MET: variants seen among roughly 807,000 people sequenced by gnomAD.
MET encodes MET proto-oncogene, receptor tyrosine kinase, also known as hepatocyte growth factor receptor.
A neutral mutation model predicts 133.1 loss-of-function variants in MET; 48 were observed. That is an observed-to-expected ratio of 0.36 (90% CI 0.29 to 0.46). MET has a LOEUF of 0.46. MET is among the 20% of genes least tolerant of loss of function. The pLI is 1.00. For synonymous variants in MET, 628 were observed against 616.5 expected, an observed-to-expected ratio of 1.02 and a Z score of -0.28; for missense variants, 1,442 against 1,695.9, an observed-to-expected ratio of 0.85 and a Z score of 2.63.
chr7:116,679,082 C>T (rs1390691749), intron 1 of MET, among the ~76,000 whole-genome samples: 2 of 152,128 alleles, frequency 1.3e-5, no homozygotes, highest in African/African-American at 4.8e-5. Context: ...CAGTTGTAAT[C>T]CTTACTAACC....
intron 4 of MET, among the ~76,000 whole-genome samples, chr7:116,740,575 A>G (rs914344550): frequency 6.6e-6 from 1 of 152,194 alleles, no homozygotes; most frequent in Non-Finnish European, 1.5e-5. Context: ...ACAGGGCACA[A>G]TGTCCCTACT....
rs1231503107 is a variant in MET, at chr7:116,724,839, G to A, written c.1201-6829G>A. ...AGAGCCTAGGCTTAGTCCTAGCCCT[G>A]CACTGAAGGTAATGTGAACACTCAG... On this transcript the variant is annotated intron_variant, in intron 2 of 20. Coordinates refer to ENST00000397752, the MANE Select transcript of MET (RefSeq NM_000245.4). The A allele has an allele frequency of 2.3e-6, 3 of 1,289,098 alleles. No homozygotes were observed. The African/African-American group carries it at 4.5e-5, about 20-fold the overall frequency. 79.9% of individuals were successfully genotyped at this position (1,289,098 alleles called of 1,614,324 possible).
At chr7:116,701,407 T>C (rs576870616) in intron 2 of MET, among the ~76,000 whole-genome samples, 1 of 152,268 alleles carries the variant, frequency 6.6e-6, no homozygotes, top group Non-Finnish European at 1.5e-5. Flanking sequence ...TATAATTTGC[T>C]GAGGGGTAAA....
intron 5 of MET, among the ~76,000 whole-genome samples, chr7:116,754,983 G>GGAAAGAAAGAAAGAAAGAAAGA (rs1794105005): frequency 3.8e-5 from 3 of 78,632 alleles, no homozygotes; most frequent in Admixed American, 2.9e-4. Flanking sequence ...AGCAGAGAAA[G>GGAAAGAAAGAAAGAAAGAAAGA]GAAAGAAAGA....
rs1791501640 is a variant in MET at position 116,699,856 on chromosome 7, TTTA to T, written c.775_777del (p.Ile259del). 6.2e-7 allele frequency: 1 copy of T among 1,614,110 alleles called. No homozygotes were observed. ...TGTCCATGCCTTTGAAAGCAACAATTTTATTTACTTCTTGACGGTCCAAAGGGA... is the reference window on the plus strand; with the variant it reads ...TGTCCATGCCTTTGAAAGCAACAATTTTTACTTCTTGACGGTCCAAAGGGA... On this transcript the variant is annotated inframe_deletion, in exon 2 of 21. Coordinates refer to ENST00000397752, the MANE Select transcript of MET (RefSeq NM_000245.4).
intron 2 of MET, among the ~76,000 whole-genome samples, chr7:116,726,729 G>A (rs940028464): frequency 6.6e-6 from 1 of 152,162 alleles, no homozygotes; most frequent in Non-Finnish European, 1.5e-5. Flanking sequence ...AGGGAGAAAA[G>A]GATAAAAAGA....
rs2116833406 is a variant in MET, at chr7:116,740,838, C to A, written c.1528-14C>A. ...TACCCCTCTGGAAGCTCTTTCCACC[C>A]CTTCTCTTCACAGATCACGAAGATC... On this transcript the variant is annotated splice_polypyrimidine_tract_variant and intron_variant, in intron 4 of 20. Coordinates refer to ENST00000397752, the MANE Select transcript of MET (RefSeq NM_000245.4). 2 of 1,613,828 alleles carry A rather than the reference C, an allele frequency of 1.2e-6. No homozygotes were observed. Among genetic ancestry groups the A allele is most frequent in the South Asian group, 2.2e-5 (2 of 91,042 alleles).
intron 5 of MET, 101 bp downstream of exon 5, chr7:116,741,126 C>T (rs773249836): frequency 6.8e-5 from 90 of 1,331,176 alleles, no homozygotes; most frequent in Middle Eastern, 2.0e-4. Flanking sequence ...ATACAAATCC[C>T]ACTAATGAAA....
Position 116,699,924 on chromosome 7 carries a change from G to T in MET, c.840G>T (p.Arg280Ser), listed in dbSNP as rs1207381066. The part of the protein sequence containing the change: ...DAQTFHTRII[R>S]FCSINSGLHS... ...AGACTTTTCACACAAGAATAATCAG[G>T]TTCTGTTCCATAAACTCTGGATTGC... The change falls in exon 2 of 21, where the codon AGG (arginine) becomes AGT (serine). Residue 280 changes from arginine to serine, a missense_variant. Arg to Ser is a moderately radical substitution (Grantham distance 110). Transcript: ENST00000397752. The T allele has an allele frequency of 1.9e-6, 3 of 1,613,948 alleles. No homozygotes were observed. Among genetic ancestry groups the T allele is most frequent in the East Asian group, 4.5e-5 (2 of 44,890 alleles).
chr7:116,774,642 T>G (rs1794934820), intron 14 of MET, among the ~76,000 whole-genome samples: 1 of 152,216 alleles, frequency 6.6e-6, no homozygotes, highest in Admixed American at 6.5e-5. Context: ...TTTTTGCTAT[T>G]GATAAAGAGA....
chr7:116,782,842 T>C (rs1384271703), intron 18 of MET, among the ~76,000 whole-genome samples: 1 of 152,252 alleles, frequency 6.6e-6, no homozygotes, highest in Non-Finnish European at 1.5e-5. Flanking sequence ...GTGGGATATA[T>C]GAGTTTTGTG....
In MET at chr7:116,797,435, A is replaced by C. The variant is rs1424967818; in HGVS notation, c.*1311A>C. ...ATTAGGGTGTGTTTTATGTTAAGCA[A>C]AACATACTTTAGAAACAAATGAAAA... On this transcript the variant is annotated 3_prime_UTR_variant, in exon 21 of 21. Coordinates refer to ENST00000397752, the MANE Select transcript of MET (RefSeq NM_000245.4). The C allele has an allele frequency of 4.4e-6, 1 of 228,150 alleles. No individual in the cohort carries two copies. Among genetic ancestry groups the C allele is most frequent in the Non-Finnish European group, 8.7e-6 (1 of 114,690 alleles). 14.1% of individuals were successfully genotyped at this position (228,150 alleles called of 1,614,324 possible).
intron 19 of MET, among the ~76,000 whole-genome samples, chr7:116,786,386 C>CT (rs1281387954): frequency 1.3e-5 from 2 of 152,154 alleles, no homozygotes; most frequent in Admixed American, 6.5e-5. Context: ...TGGGAATATG[C>CT]TTTTGAGAGT....
At chr7:116,747,367 G>A (rs1011647384) in intron 5 of MET, among the ~76,000 whole-genome samples, 2 of 152,200 alleles carry the variant, frequency 1.3e-5, no homozygotes, top group African/African-American at 4.8e-5. Flanking sequence ...TTGGTGTGCT[G>A]TATTCAGGAG....
chr7:116,683,742 T>G (rs1440741109), intron 1 of MET, among the ~76,000 whole-genome samples: 1 of 152,216 alleles, frequency 6.6e-6, no homozygotes, highest in Non-Finnish European at 1.5e-5. Context: ...TTATCCCTTT[T>G]GACCCGTCTG....
At chr7:116,718,911 G>A (rs1326905804) in intron 2 of MET, among the ~76,000 whole-genome samples, 4 of 146,072 alleles carry the variant, frequency 2.7e-5, no homozygotes, top group Admixed American at 1.4e-4. Context: ...ATTTGGGTTG[G>A]TTCCAAGTCT....
rs1288461236 is a variant in MET, at chr7:116,745,992, C to G, written c.1701+4967C>G. Among the ~76,000 whole-genome samples, 3 of 152,250 alleles carry G rather than the reference C, an allele frequency of 2.0e-5. No homozygotes were observed. The South Asian group carries it at 6.2e-4, about 32-fold the overall frequency. On this transcript the variant is annotated intron_variant, in intron 5 of 20. Coordinates refer to ENST00000397752, the MANE Select transcript of MET (RefSeq NM_000245.4). ...AGAAACTACCATCAGAGTGAACAGG[C>G]AACCTACAGAATGGGAGAAAATTTT...
chr7:116,689,637 C>T (rs1456776453), intron 1 of MET, among the ~76,000 whole-genome samples: 5 of 139,226 alleles, frequency 3.6e-5, no homozygotes, highest in Admixed American at 7.8e-5. Flanking sequence ...GGTGTGATCA[C>T]GGTTCACTGC....
chr7:116,740,011 CAGTGTCTCCAGA>C lies in MET; in HGVS notation c.1459_1470del (p.Ser487_Val490del). 4 of 1,614,130 alleles carry C rather than the reference CAGTGTCTCCAGA, an allele frequency of 2.5e-6. No homozygotes were observed. The highest frequency in any genetic ancestry group is 3.4e-6 in the Non-Finnish European group (4 of 1,179,990). On this transcript the variant is annotated inframe_deletion, in exon 4 of 21. Coordinates refer to ENST00000397752, the MANE Select transcript of MET (RefSeq NM_000245.4). ...GTGAATTTTCTCCTGGACTCCCATC[CAGTGTCTCCAGA>C]AGTGATTGTGGAGCATACATTAAAC...
Sources: allele counts gnomAD v4.1 joint callset (sites outside exome capture counted in the v4.1 genomes callset), GRCh38; gene constraint gnomAD v4.1.1; transcripts MANE v1.5; gene names NCBI Gene and HGNC (gene_info 2026-07-23, HGNC 2026-07-21).